Variants in RELN observed in about 807,000 individuals in gnomAD.
The protein encoded by RELN is reelin.
Under a neutral mutation model 427.6 loss-of-function variants are expected in RELN, and 108 were observed. That is an observed-to-expected ratio of 0.25 (90% CI 0.22 to 0.30). The LOEUF is 0.30. Ranked by LOEUF, RELN falls within the 10% of genes least tolerant of loss-of-function variation. The pLI is 1.00. For missense variants in RELN, 3,715 were observed against 4,302.8 expected (o/e 0.86, Z 3.82); for synonymous variants, 1,524 against 1,513.4 (o/e 1.01, Z -0.16).
At chr7:103,733,314 A>G (rs1374666608) in intron 6 of RELN, among the ~76,000 whole-genome samples, 1 of 150,016 alleles carries the variant, frequency 6.7e-6, no homozygotes, top group African/African-American at 2.5e-5. Context: ...GGATGTGGAG[A>G]AATAGGAACA....
intron 1 of RELN, among the ~76,000 whole-genome samples, chr7:103,980,556 T>C (rs1023902095): frequency 2.6e-5 from 4 of 152,112 alleles, no homozygotes; most frequent in African/African-American, 9.7e-5. Context: ...GCGTACTATC[T>C]AAAAGGATGG....
intron 57 of RELN, 102 bp downstream of exon 57, chr7:103,495,621 G>A: frequency 8.9e-7 from 1 of 1,124,554 alleles, no homozygotes; most frequent in Non-Finnish European, 1.3e-6. Flanking sequence ...CTTTTTTAAT[G>A]AATAATATCA....
intron 31 of RELN, among the ~76,000 whole-genome samples, chr7:103,570,798 AG>A (rs1468507312): frequency 6.6e-6 from 1 of 152,182 alleles, no homozygotes; most frequent in Non-Finnish European, 1.5e-5. Flanking sequence ...AGCACAGGGG[AG>A]AAATCATTTT....
intron 1 of RELN, among the ~76,000 whole-genome samples, chr7:103,977,500 T>G (rs141595192): frequency 1.3e-5 from 2 of 152,128 alleles, no homozygotes; most frequent in Non-Finnish European, 2.9e-5. Context: ...AGGCTAGATC[T>G]ATATGTACAA....
intron 64 of RELN, 82 bp from the exon 65 acceptor site, chr7:103,472,990 C>T: frequency 9.0e-7 from 1 of 1,114,510 alleles, no homozygotes; most frequent in South Asian, 1.2e-5. Context: ...GCAATCTATT[C>T]TAGGTCCTAA....
chr7:103,848,311 T>C (rs1192286058), intron 2 of RELN, among the ~76,000 whole-genome samples: 1 of 152,150 alleles, frequency 6.6e-6, no homozygotes, highest in Non-Finnish European at 1.5e-5. Flanking sequence ...ATTTAATGAA[T>C]TGAAGCCCTG....
chr7:103,540,257 G>T lies in RELN; in HGVS notation c.6870C>A (p.Arg2290=). The T allele has an allele frequency of 6.2e-7, 1 of 1,614,196 alleles. No homozygotes were observed. Among genetic ancestry groups the T allele is most frequent in the Admixed American group, 1.7e-5 (1 of 60,024 alleles). Residue 2290 remains arginine (R), a synonymous_variant, in exon 44 of 65, where the codon CGC becomes CGA. Coordinates refer to ENST00000428762, the MANE Select transcript of RELN (RefSeq NM_005045.4). ...IPLKARSGST[R]LRWWQPSENG... ...TCTCAGACGGTTGCCACCAGCGAAG[G>T]CGAGTAGAACCAGAACGGGCTTTCA...
At chr7:103,557,870 C>T in intron 37 of RELN, 95 bp downstream of exon 37, 1 of 708,664 alleles carries the variant, frequency 1.4e-6, no homozygotes. Context: ...TTCCATACAA[C>T]AAAACTTATG....
rs751453275 is a variant in RELN at position 103,498,129 on chromosome 7, C to T, written c.8791G>A (p.Gly2931Arg). The T allele has an allele frequency of 1.9e-6, 3 of 1,614,018 alleles. No individual in the cohort carries two copies. The highest frequency in any genetic ancestry group is 2.5e-6 in the Non-Finnish European group (3 of 1,179,986). ...GTAACCGCTTGTCTCACAGTGGATC[C>T]CCCAAAATAGAGTGCAGTGTCCTCG... ...LAEDTALYFG[G>R]STVRQAVTQD... is the part of the protein sequence containing the mutation. Residue 2931 changes from glycine (G) to arginine (R), a missense_variant, in exon 54 of 65, where the codon GGA becomes AGA. Gly to Arg is a moderately radical substitution (Grantham distance 125). Around this residue, in one of 4 missense-constraint regions of RELN, gnomAD observed 1,310 missense variants for 1,643.0 expected, o/e 0.80. Coordinates refer to ENST00000428762, the MANE Select transcript of RELN (RefSeq NM_005045.4).
At chr7:103,796,172 T>C (rs1162127469) in intron 3 of RELN, among the ~76,000 whole-genome samples, 1 of 152,248 alleles carries the variant, frequency 6.6e-6, no homozygotes, top group Admixed American at 6.5e-5. Context: ...CTCAAGCACT[T>C]ATCCCTTTAA....
chr7:103,833,056 A>G (rs1355563700), intron 3 of RELN, among the ~76,000 whole-genome samples: 2 of 152,104 alleles, frequency 1.3e-5, no homozygotes, highest in African/African-American at 4.8e-5. Context: ...TACATTTGGG[A>G]TGATTAAATC....
At chr7:103,960,277 C>T (rs113979684) in intron 1 of RELN, among the ~76,000 whole-genome samples, 5 of 152,128 alleles carry the variant, frequency 3.3e-5, no homozygotes, top group East Asian at 1.9e-4. Flanking sequence ...TTGCTGGGAC[C>T]GAAATACAGA....
chr7:103,510,806 TGC>T (rs1829381983), intron 51 of RELN, 43 bp downstream of exon 51: 1 of 1,464,802 alleles, frequency 6.8e-7, no homozygotes, highest in Non-Finnish European at 9.6e-7. Flanking sequence ...TTTGTTATAT[TGC>T]TAATGTATGG....
chr7:103,711,777 C>G (rs1033195253), intron 8 of RELN, among the ~76,000 whole-genome samples: 1 of 152,138 alleles, frequency 6.6e-6, no homozygotes, highest in Non-Finnish European at 1.5e-5. Context: ...TCGCCTCAGC[C>G]TCCCAAGTAG....
chr7:103,513,772 CAAA>C (rs888606149), intron 50 of RELN: 1 of 151,306 alleles, frequency 6.6e-6, no homozygotes, highest in African/African-American at 2.4e-5. Context: ...TAATTCTAAA[CAAA>C]AAAAGAAGCT....
Position 103,563,415 on chromosome 7 carries a change from C to T in RELN, c.5211-1462G>A, listed in dbSNP as rs1431913005. On this transcript the variant is annotated intron_variant, in intron 34 of 64. Transcript: ENST00000428762. The surrounding 1 kb of genome is among the most constrained non-coding windows in gnomAD (Gnocchi z 4.1). Reference sequence around the variant, plus strand: ...AAGAAGTTTTCAAAGTTAAAGTTCTCAAAATATTAAAAGCTTACAGAATAA... The same window carrying T: ...AAGAAGTTTTCAAAGTTAAAGTTCTTAAAATATTAAAAGCTTACAGAATAA... Among the ~76,000 whole-genome samples, 4 of 151,988 alleles carry T rather than the reference C, an allele frequency of 2.6e-5. No homozygotes were observed. The highest frequency in any genetic ancestry group is 4.8e-5 in the African/African-American group (2 of 41,370).
intron 2 of RELN, among the ~76,000 whole-genome samples, chr7:103,875,709 G>A (rs1020585363): frequency 2.6e-5 from 4 of 151,974 alleles, no homozygotes. Flanking sequence ...TTTTTTTCAG[G>A]CATAGTCTGG....
chr7:103,822,364 T>C (rs1211894410), intron 3 of RELN, among the ~76,000 whole-genome samples: 1 of 152,080 alleles, frequency 6.6e-6, no homozygotes, highest in African/African-American at 2.4e-5. Flanking sequence ...GTATGCAATG[T>C]CATTTGAATT....
intron 2 of RELN, among the ~76,000 whole-genome samples, chr7:103,895,881 C>T (rs1206470529): frequency 1.3e-5 from 2 of 151,764 alleles, no homozygotes; most frequent in Non-Finnish European, 2.9e-5. Context: ...CAACTTAAGG[C>T]AACATGGAGA....
Sources: gnomAD v4.1 joint callset for allele counts (sites outside exome capture counted in the v4.1 genomes callset) on GRCh38, gnomAD v4.1.1 for gene constraint, gnomAD v4.1.1 regional missense constraint, Gnocchi (gnomAD v3.1) non-coding constraint, MANE v1.5 for transcripts, NCBI Gene and HGNC (gene_info 2026-07-23, HGNC 2026-07-21) for gene names.